The following KRABD4 variants were observed in gnomAD, a reference collection of about 807,000 sequenced individuals.
KRABD4 encodes KRAB domain containing 4.
At chrX:46,466,991 T>G in the KRABD4 span, among the ~76,000 whole-genome samples, 1 of 112,459 alleles carries the variant, frequency 8.9e-6, no homozygotes, top group Non-Finnish European at 1.9e-5. Flanking sequence ...GTGGCTGGCT[T>G]CTTTCACTTA....
chrX:46,456,846 T>C, the KRABD4 span: 1 of 437,567 alleles, frequency 2.3e-6, no homozygotes, highest in South Asian at 7.2e-5. Flanking sequence ...CAGGATGGTA[T>C]GTAATGAGTT....
At chrX:46,457,811 C>T in the KRABD4 span, among the ~76,000 whole-genome samples, 1 of 109,743 alleles carries the variant, frequency 9.1e-6, no homozygotes, top group Non-Finnish European at 1.9e-5. Context: ...GTGGCACAGT[C>T]GGCTCACCGC....
the KRABD4 span, chrX:46,455,962 C>T: frequency 5.4e-4 from 168 of 309,333 alleles, no homozygotes; most frequent in Middle Eastern, 9.7e-4. Flanking sequence ...GAATTCTGAA[C>T]GCTGCCATCC....
At chrX:46,472,509 A>G in the KRABD4 span, 1 of 343,825 alleles carries the variant, frequency 2.9e-6, no homozygotes. Context: ...CACATAATAA[A>G]TTTATTTTCT....
the KRABD4 span, among the ~76,000 whole-genome samples, chrX:46,463,756 G>A: frequency 3.6e-5 from 4 of 110,509 alleles, no homozygotes; most frequent in South Asian, 3.9e-4. Flanking sequence ...TTTAGCCTAA[G>A]GTAGATTATC....
At chrX:46,471,943 T>G in the KRABD4 span, 3 of 112,343 alleles carry the variant, frequency 2.7e-5, no homozygotes, top group African/African-American at 9.7e-5. Flanking sequence ...CAGGCTTTTC[T>G]GTAGACATAA....
chrX:46,470,024 T>A, the KRABD4 span, among the ~76,000 whole-genome samples: 3 of 111,684 alleles, frequency 2.7e-5, no homozygotes, highest in Admixed American at 9.5e-5. Context: ...ACCATTTTTT[T>A]ATTTATTTTC....
the KRABD4 span, chrX:46,472,479 A>G: frequency 1.7e-5 from 5 of 303,025 alleles, no homozygotes; most frequent in African/African-American, 1.4e-4. Flanking sequence ...CCTCACTTTA[A>G]ATTTCTTCTT....
chrX:46,465,339 G>A, the KRABD4 span, among the ~76,000 whole-genome samples: 2 of 112,552 alleles, frequency 1.8e-5, no homozygotes, highest in Non-Finnish European at 3.8e-5. Flanking sequence ...AGAGGAAGGA[G>A]CTTTGTTATT....
At chrX:46,472,687 T>G in the KRABD4 span, 1 of 1,152,345 alleles carries the variant, frequency 8.7e-7, no homozygotes, top group Non-Finnish European at 1.2e-6. Flanking sequence ...GGGATTAATG[T>G]TATTCCATAA....
chrX:46,467,988 A>C, the KRABD4 span, among the ~76,000 whole-genome samples: 3 of 111,424 alleles, frequency 2.7e-5, no homozygotes, highest in East Asian at 5.6e-4. Flanking sequence ...CTCTTTAGCA[A>C]ATCTCTCACC....
the KRABD4 span, among the ~76,000 whole-genome samples, chrX:46,450,946 C>T: frequency 0.04 from 4,383 of 110,133 alleles, 234 homozygotes; most frequent in African/African-American, 0.14. Flanking sequence ...CAAGTGATCC[C>T]CCCACCTCGG....
the KRABD4 span, chrX:46,473,506 TG>T: frequency 3.4e-5 from 27 of 784,436 alleles, no homozygotes; most frequent in Non-Finnish European, 4.7e-5. Context: ...ACCTTATGAA[TG>T]TAATAAATGT....
the KRABD4 span, among the ~76,000 whole-genome samples, chrX:46,458,712 A>G: frequency 8.9e-6 from 1 of 111,918 alleles, no homozygotes; most frequent in South Asian, 3.7e-4. Flanking sequence ...AAATATTTAT[A>G]TGTCCACAAA....
the KRABD4 span, among the ~76,000 whole-genome samples, chrX:46,464,539 C>A: frequency 4.4e-5 from 5 of 112,507 alleles, no homozygotes; most frequent in East Asian, 1.4e-3. Context: ...AGCACACACT[C>A]TCTGAGATCC....
the KRABD4 span, among the ~76,000 whole-genome samples, chrX:46,449,098 C>T: frequency 8.9e-6 from 1 of 112,296 alleles, no homozygotes; most frequent in African/African-American, 3.2e-5. Flanking sequence ...TTACTCTGCA[C>T]AGAAGCTCCT....
chrX:46,470,992 C>G, the KRABD4 span: 1 of 509,170 alleles, frequency 2.0e-6, no homozygotes, highest in Non-Finnish European at 3.1e-6. Context: ...ATGCAGTGTT[C>G]TCTGAATGTC....
At chrX:46,469,575 A>G in the KRABD4 span, among the ~76,000 whole-genome samples, 2 of 112,252 alleles carry the variant, frequency 1.8e-5, no homozygotes, top group Non-Finnish European at 3.8e-5. Context: ...ATAAGCTCAC[A>G]TATTAGTGCT....
At chrX:46,454,695 G>A in the KRABD4 span, among the ~76,000 whole-genome samples, 31 of 110,042 alleles carry the variant, frequency 2.8e-4, no homozygotes, top group South Asian at 0.011. Context: ...CCAGCTACTC[G>A]GGAGGCTGAG....
Sources: gnomAD v4.1 joint callset for allele counts (sites outside exome capture counted in the v4.1 genomes callset) on GRCh38, gnomAD v4.1.1 for gene constraint, MANE v1.5 for transcripts, NCBI Gene and HGNC (gene_info 2026-07-23, HGNC 2026-07-21) for gene names.